The following LUZP2 variants were observed in gnomAD, a reference collection of about 807,000 sequenced individuals.
LUZP2 encodes the protein leucine zipper protein 2.
Under a neutral mutation model 51.6 loss-of-function variants are expected in LUZP2, and 52 were observed. That is an observed-to-expected ratio of 1.01 (90% CI 0.81 to 1.27). LUZP2 has a LOEUF of 1.27. Ranked by LOEUF, LUZP2 falls within the 50% of genes most tolerant of loss-of-function variation. The probability of loss-of-function intolerance (pLI) is 0.00; values close to 1 mark genes in which losing one functional copy is unlikely to be tolerated. For synonymous variants in LUZP2, 154 were observed against 137.3 expected, an observed-to-expected ratio of 1.12 and a Z score of -0.85; for missense variants, 436 against 395.4, an observed-to-expected ratio of 1.10 and a Z score of -0.87.
chr11:24,905,094 C>G lies in LUZP2; in HGVS notation c.397-897C>G, dbSNP rs1853405481. On this transcript the variant is annotated intron_variant, in intron 5 of 11. Transcript: ENST00000336930. ...CAATTGCAATTACATATGCATCCTACACTGGAGCACCTTTATATGTATATA... is the reference window on the plus strand; with the variant it reads ...CAATTGCAATTACATATGCATCCTAGACTGGAGCACCTTTATATGTATATA... 2.0e-5 allele frequency among the ~76,000 whole-genome samples: 3 copies of G among 152,112 alleles called. No homozygotes were observed. The South Asian group carries it at 6.2e-4, about 31-fold the overall frequency.
At chr11:24,540,500 C>G (rs569339226) in intron 1 of LUZP2, among the ~76,000 whole-genome samples, 1 of 152,178 alleles carries the variant, frequency 6.6e-6, no homozygotes, top group East Asian at 1.9e-4. Context: ...CACCTACAAG[C>G]CAGAAAGTGC....
intron 9 of LUZP2, among the ~76,000 whole-genome samples, chr11:25,014,325 A>G (rs1212598139): frequency 6.6e-6 from 1 of 152,216 alleles, no homozygotes; most frequent in East Asian, 1.9e-4. Flanking sequence ...GAATCACCAC[A>G]CTGTCTTCCA....
chr11:24,794,423 C>T (rs2631516), intron 5 of LUZP2, among the ~76,000 whole-genome samples: 152,253 of 152,282 alleles, frequency 1, 76,112 homozygotes, highest in Non-Finnish European at 1. Flanking sequence ...TGGTGTCCAA[C>T]AGTGCGTATT....
rs371627021 is a variant in LUZP2, at chr11:24,684,632, G to A, written c.63-44537G>A. On this transcript the variant is annotated intron_variant, in intron 1 of 11. Coordinates refer to ENST00000336930, the MANE Select transcript of LUZP2 (RefSeq NM_001009909.4). The stretch of plus-strand genomic sequence containing the variant: ...CAATCAATAACAGATAGAAATTGGA[G>A]GGAAAAGTATCCTGGTTTTCTTGCC... Among the ~76,000 whole-genome samples, 29 of 152,308 alleles carry A rather than the reference G, an allele frequency of 1.9e-4. No homozygotes were observed. In the East Asian group the frequency reaches 4.3e-3, roughly 22 times the overall value.
At chr11:25,020,545 C>G (rs926065642) in intron 9 of LUZP2, among the ~76,000 whole-genome samples, 1 of 151,808 alleles carries the variant, frequency 6.6e-6, no homozygotes, top group Non-Finnish European at 1.5e-5. Flanking sequence ...TTTCACTAGT[C>G]ACATCTTTCT....
At chr11:24,644,084 C>T (rs1855392404) in intron 1 of LUZP2, among the ~76,000 whole-genome samples, 1 of 152,080 alleles carries the variant, frequency 6.6e-6, no homozygotes, top group African/African-American at 2.4e-5. Flanking sequence ...TTGAATAATC[C>T]CCATCCTAGG....
At chr11:24,725,642 C>T (rs1858446898) in intron 1 of LUZP2, among the ~76,000 whole-genome samples, 1 of 151,538 alleles carries the variant, frequency 6.6e-6, no homozygotes, top group African/African-American at 2.4e-5. Flanking sequence ...AAAAAAAAAT[C>T]CATATAATGA....
Position 24,916,502 on chromosome 11 carries a change from A to T in LUZP2, c.522+1964A>T, listed in dbSNP as rs368122161. Among the ~76,000 whole-genome samples, 6 of 152,058 alleles carry T rather than the reference A, an allele frequency of 3.9e-5. No homozygotes were observed. The East Asian group carries it at 1.2e-3, about 30-fold the overall frequency. On this transcript the variant is annotated intron_variant, in intron 7 of 11. Coordinates refer to ENST00000336930, the MANE Select transcript of LUZP2 (RefSeq NM_001009909.4). ...CTCCCCCCTCCTGCCACCCCACAAC[A>T]GGCTGTGGTGTGTGATGTTCCCCTT...
chr11:24,939,057 TTC>T (rs372624492), intron 7 of LUZP2, among the ~76,000 whole-genome samples: 60 of 151,626 alleles, frequency 4.0e-4, no homozygotes, highest in African/African-American at 1.3e-3. Context: ...GAAAGGATTT[TTC>T]TCTCTCTCTC....
chr11:24,542,853 A>G (rs1223571640), intron 1 of LUZP2, among the ~76,000 whole-genome samples: 2 of 151,862 alleles, frequency 1.3e-5, no homozygotes, highest in East Asian at 1.9e-4. Context: ...ATCTGTAGCT[A>G]TGGTTTCCAA....
At chr11:24,655,852 C>T (rs1189209413) in intron 1 of LUZP2, among the ~76,000 whole-genome samples, 1 of 152,116 alleles carries the variant, frequency 6.6e-6, no homozygotes, top group East Asian at 1.9e-4. Flanking sequence ...TCTGTGAGTG[C>T]CTCTTAGATG....
intron 4 of LUZP2, among the ~76,000 whole-genome samples, chr11:24,754,128 T>C (rs969612387): frequency 6.6e-6 from 1 of 152,182 alleles, no homozygotes; most frequent in Non-Finnish European, 1.5e-5. Flanking sequence ...TTTTTCTTTG[T>C]AGTTTCACCT....
intron 9 of LUZP2, among the ~76,000 whole-genome samples, chr11:24,997,917 A>T (rs1043874150): frequency 2.6e-5 from 4 of 152,208 alleles, no homozygotes; most frequent in Admixed American, 2.6e-4. Flanking sequence ...TTTGTCAAAG[A>T]TCGGACAGTT....
chr11:24,510,975 G>A (rs553431268), intron 1 of LUZP2, among the ~76,000 whole-genome samples: 19 of 152,250 alleles, frequency 1.2e-4, no homozygotes, highest in African/African-American at 4.3e-4. Context: ...CTAAATAGCA[G>A]CATGGAGGAA....
At chr11:25,055,009 T>G (rs1858635930) in intron 10 of LUZP2, among the ~76,000 whole-genome samples, 1 of 114,726 alleles carries the variant, frequency 8.7e-6, no homozygotes, top group African/African-American at 3.3e-5. Context: ...TTTTTTTCTT[T>G]TCTTTTTTTT....
At chr11:25,067,039 C>T (rs1859016909) in intron 10 of LUZP2, among the ~76,000 whole-genome samples, 1 of 151,886 alleles carries the variant, frequency 6.6e-6, no homozygotes, top group Non-Finnish European at 1.5e-5. Context: ...AGGGAAAACT[C>T]TGAAGGTTTA....
intron 1 of LUZP2, among the ~76,000 whole-genome samples, chr11:24,607,422 T>C (rs1272308236): frequency 6.7e-6 from 1 of 148,278 alleles, no homozygotes; most frequent in Non-Finnish European, 1.5e-5. Flanking sequence ...CTATCTTTTA[T>C]CCATTATGTA....
At chr11:24,796,033 T>G (rs928014467) in intron 5 of LUZP2, among the ~76,000 whole-genome samples, 3 of 152,094 alleles carry the variant, frequency 2.0e-5, no homozygotes, top group Non-Finnish European at 4.4e-5. Flanking sequence ...TTATTTTGAG[T>G]GTTCTCAAAT....
chr11:24,949,332 C>T (rs1407141950), intron 7 of LUZP2, among the ~76,000 whole-genome samples: 3 of 36,250 alleles, frequency 8.3e-5, no homozygotes, highest in Non-Finnish European at 1.9e-4. Flanking sequence ...ATCTATCTAT[C>T]TCTCTATCTA....
Sources: gnomAD v4.1 joint callset for allele counts (sites outside exome capture counted in the v4.1 genomes callset) on GRCh38, gnomAD v4.1.1 for gene constraint, MANE v1.5 for transcripts, NCBI Gene and HGNC (gene_info 2026-07-23, HGNC 2026-07-21) for gene names.